SAFB: variants seen among roughly 807,000 people sequenced by gnomAD.
The protein encoded by SAFB is scaffold attachment factor B, also known as scaffold attachment factor B1.
Under a neutral mutation model 101.6 loss-of-function variants are expected in SAFB, and 15 were observed. The ratio of observed to expected loss-of-function variants is 0.15; its 90% CI spans 0.10 to 0.23. The LOEUF (loss-of-function observed/expected upper bound fraction) is 0.23, where lower values mean the gene tolerates loss of function less well. Among genes scored for constraint, SAFB ranks in the 10% least tolerant of loss-of-function variants. The pLI is 1.00. For synonymous variants in SAFB, 449 were observed against 407.5 expected (o/e 1.10, Z -1.23); for missense variants, 930 against 1,104.1 (o/e 0.84, Z 2.23).
chr19:5,633,195 TA>T (rs1337160793), intron 2 of SAFB, among the ~76,000 whole-genome samples: 19 of 152,218 alleles, frequency 1.2e-4, no homozygotes, highest in African/African-American at 4.6e-4. Flanking sequence ...TTTACTGACA[TA>T]AGGAATAGCT....
At chr19:5,636,661 A>T (rs2485275) in intron 2 of SAFB, among the ~76,000 whole-genome samples, 9,011 of 152,102 alleles carry the variant, frequency 0.059, 360 homozygotes, top group Middle Eastern at 0.12. Context: ...CCAGGATGTT[A>T]CATATTTATC....
intron 2 of SAFB, among the ~76,000 whole-genome samples, chr19:5,636,096 C>T (rs1465802869): frequency 6.6e-6 from 1 of 151,966 alleles, no homozygotes; most frequent in Non-Finnish European, 1.5e-5. Context: ...CTCGGGGGAG[C>T]TTTCCCCTGA....
At chr19:5,630,749 C>A (rs532035412) in intron 2 of SAFB, among the ~76,000 whole-genome samples, 5 of 143,620 alleles carry the variant, frequency 3.5e-5, no homozygotes, top group Admixed American at 3.5e-4. Flanking sequence ...AGTGAAGCTT[C>A]GTCTCAAAAA....
intron 2 of SAFB, among the ~76,000 whole-genome samples, chr19:5,636,939 C>T (rs1217236587): frequency 6.6e-6 from 1 of 151,672 alleles, no homozygotes; most frequent in Non-Finnish European, 1.5e-5. Flanking sequence ...AAACTCCTGA[C>T]CTCAAGTGAT....
intron 9 of SAFB, 136 bp downstream of exon 9, chr19:5,651,208 T>TG (rs2053931286): frequency 1.8e-6 from 1 of 568,052 alleles, no homozygotes. Context: ...GGGGAGGGTC[T>TG]GCCCGTCCAC....
intron 5 of SAFB, among the ~76,000 whole-genome samples, chr19:5,646,234 T>A (rs895311645): frequency 2.6e-5 from 4 of 152,150 alleles, no homozygotes; most frequent in African/African-American, 7.2e-5. Context: ...TAATTAGAAA[T>A]CCCCTTTTGG....
chr19:5,637,507 T>G (rs920957574), intron 2 of SAFB, among the ~76,000 whole-genome samples: 3 of 151,468 alleles, frequency 2.0e-5, no homozygotes, highest in Admixed American at 1.3e-4. Flanking sequence ...AATACAAAAA[T>G]TAGCCAAGCA....
intron 6 of SAFB, chr19:5,648,750 T>C (rs2145446413): frequency 1.5e-6 from 1 of 689,238 alleles, no homozygotes; most frequent in East Asian, 2.9e-5. Context: ...CAGAAGGTTT[T>C]GGGGGTTAAA....
intron 2 of SAFB, among the ~76,000 whole-genome samples, chr19:5,631,564 C>G (rs1053507034): frequency 6.6e-6 from 1 of 152,154 alleles, no homozygotes; most frequent in Non-Finnish European, 1.5e-5. Context: ...CTTTAAAATT[C>G]CAGAAAGCAT....
At chr19:5,639,463 C>T (rs1171782692) in intron 2 of SAFB, among the ~76,000 whole-genome samples, 2 of 152,058 alleles carry the variant, frequency 1.3e-5, no homozygotes, top group African/African-American at 2.4e-5. Context: ...GAGGCTGAGG[C>T]AGGTGGATCA....
rs1599372770 is a variant in SAFB at position 5,657,358 on chromosome 19, A to T, written c.1862+11A>T. 1 of 1,558,316 alleles carries T rather than the reference A, an allele frequency of 6.4e-7. No individual in the cohort carries two copies. Among genetic ancestry groups the T allele is most frequent in the Non-Finnish European group, 8.8e-7 (1 of 1,130,598 alleles). ...CTCAGAGTCCCATAGGTGAGTAGGG[A>T]TCCAGGAACGGTTTGGTGTTTTTCC... On this transcript the variant is annotated intron_variant, in intron 14 of 20. Coordinates refer to ENST00000588852, the MANE Select transcript of SAFB (RefSeq NM_001201338.2).
chr19:5,638,627 A>C (rs1292178766), intron 2 of SAFB, among the ~76,000 whole-genome samples: 1 of 150,548 alleles, frequency 6.6e-6, no homozygotes, highest in Non-Finnish European at 1.5e-5. Context: ...CCAGCCTAAA[A>C]TTACTAAACT....
At position 5,661,342 on chromosome 19, in the gene SAFB, C is replaced by T. The variant is rs946774649; in HGVS notation, c.1863-176C>T. The T allele has an allele frequency of 7.9e-6, 9 of 1,134,394 alleles. No homozygotes were observed. In the East Asian group the frequency reaches 2.1e-4, roughly 26 times the overall value. The allele number at this position is 1,134,394 out of a possible 1,614,324, so 70.3% of individuals were successfully genotyped here. A position where few individuals can be genotyped will look rare whatever the true frequency, so the allele number is the denominator to read the frequency against. On this transcript the variant is annotated intron_variant, in intron 14 of 20. Coordinates refer to ENST00000588852, the MANE Select transcript of SAFB (RefSeq NM_001201338.2). Reference sequence around the variant, plus strand: ...CCTGGGCCTCACTCCTGAGATCTTCCTGGGCTGCTCCTGTGGGCCCGAGAA... The same window carrying T: ...CCTGGGCCTCACTCCTGAGATCTTCTTGGGCTGCTCCTGTGGGCCCGAGAA...
rs542583443 is a variant in SAFB, at chr19:5,632,796, G to C, written c.274+6307G>C. Among the ~76,000 whole-genome samples the C allele has an allele frequency of 1.0e-3, 152 of 152,266 alleles. 1 individual carries two copies. Among genetic ancestry groups the C allele is most frequent in the Non-Finnish European group, 1.5e-3 (99 of 68,028 alleles). On this transcript the variant is annotated intron_variant, in intron 2 of 20. Coordinates refer to ENST00000588852, the MANE Select transcript of SAFB (RefSeq NM_001201338.2). ...CCTGTTACCCAGGCCAGAGTGCAAT[G>C]GTGCAATTGTAGGTCACTGCAACCC...
chr19:5,654,554 C>T (rs1189427157), intron 13 of SAFB, 98 bp downstream of exon 13: 4 of 812,400 alleles, frequency 4.9e-6, no homozygotes, highest in Admixed American at 2.1e-5. Flanking sequence ...TTGAAAAAAG[C>T]TTTTGTCGGC....
intron 5 of SAFB, 128 bp from the exon 6 acceptor site, chr19:5,647,888 C>A: frequency 1.2e-6 from 1 of 836,596 alleles, no homozygotes; most frequent in Non-Finnish European, 2.0e-6. Flanking sequence ...AGGTTCTCCA[C>A]CTCTTGAGTT....
At chr19:5,650,084 G>A in intron 8 of SAFB, 109 bp downstream of exon 8, 2 of 848,694 alleles carry the variant, frequency 2.4e-6, no homozygotes, top group South Asian at 2.8e-5. Context: ...GGAGACTCCT[G>A]AGACGTTTGT....
chr19:5,640,105 C>T (rs1267190735), intron 2 of SAFB, among the ~76,000 whole-genome samples: 3 of 151,970 alleles, frequency 2.0e-5, no homozygotes, highest in Admixed American at 6.5e-5. Flanking sequence ...CCGCCTGCCT[C>T]GGCCTCCCAA....
chr19:5,625,805 G>T (rs186327779), intron 1 of SAFB, among the ~76,000 whole-genome samples: 1 of 152,178 alleles, frequency 6.6e-6, no homozygotes, highest in Non-Finnish European at 1.5e-5. Flanking sequence ...TGAGGTACTG[G>T]AGTCGGTTGT....
Sources: allele counts gnomAD v4.1 joint callset (sites outside exome capture counted in the v4.1 genomes callset), GRCh38; gene constraint gnomAD v4.1.1; transcripts MANE v1.5; gene names NCBI Gene and HGNC (gene_info 2026-07-23, HGNC 2026-07-21).